The following PCYT1B variants were observed in gnomAD, a reference collection of about 807,000 sequenced individuals.
The protein encoded by PCYT1B is choline-phosphate cytidylyltransferase B.
In PCYT1B, 10 loss-of-function variants were observed where a neutral mutation model predicts 26.4. The observed-to-expected ratio is 0.38, with a 90% CI of 0.23 to 0.64. The LOEUF is 0.64. Among genes scored for constraint, PCYT1B ranks in the 30% least tolerant of loss-of-function variants. The pLI, the probability that PCYT1B is intolerant of heterozygous loss-of-function variation, is 0.56. For missense variants in PCYT1B, 161 were observed against 292.7 expected, an observed-to-expected ratio of 0.55 and a Z score of 3.28; for synonymous variants, 131 against 108.4, an observed-to-expected ratio of 1.21 and a Z score of -1.29.
chrX:24,564,038 T>C (rs1923529606), intron 7 of PCYT1B, among the ~76,000 whole-genome samples: 1 of 110,610 alleles, frequency 9.0e-6, no homozygotes, highest in South Asian at 3.9e-4. Flanking sequence ...AAAAATTAGC[T>C]GGGCAGGGTG....
chrX:24,617,489 C>A (rs1925550788), intron 2 of PCYT1B, among the ~76,000 whole-genome samples: 1 of 100,702 alleles, frequency 9.9e-6, no homozygotes, highest in African/African-American at 3.6e-5. Flanking sequence ...ACTCTGTCAC[C>A]CAGGCTGGAG....
At chrX:24,658,592 G>A (rs1437412561) in intron 1 of PCYT1B, among the ~76,000 whole-genome samples, 4 of 101,602 alleles carry the variant, frequency 3.9e-5, no homozygotes, top group Non-Finnish European at 7.8e-5. Flanking sequence ...TTCAAAGACA[G>A]CAATTGCATC....
At chrX:24,672,719 T>G, upstream of PCYT1B, 1 of 747,613 alleles carries the variant, frequency 1.3e-6, no homozygotes, top group Non-Finnish European at 2.0e-6. Flanking sequence ...TGTTGCTCAC[T>G]TGACCAAAGG....
chrX:24,622,343 T>TA (rs924928092), intron 1 of PCYT1B, among the ~76,000 whole-genome samples: 11 of 110,189 alleles, frequency 1.0e-4, no homozygotes, highest in Non-Finnish European at 1.9e-4. Context: ...AGATTACAAT[T>TA]AAAAAAAAAC....
intron 5 of PCYT1B, among the ~76,000 whole-genome samples, chrX:24,583,290 A>G (rs1924261515): frequency 9.0e-6 from 1 of 111,707 alleles, no homozygotes; most frequent in African/African-American, 3.3e-5. Context: ...CCCAGTGGCA[A>G]CTGCAACTGA....
intron 1 of PCYT1B, chrX:24,621,723 G>T: frequency 5.8e-6 from 1 of 173,250 alleles, no homozygotes; most frequent in Non-Finnish European, 9.2e-6. Flanking sequence ...TTACATTAAT[G>T]ATTCATTACC....
At chrX:24,579,240 G>T in intron 6 of PCYT1B, 76 bp downstream of exon 6, 1 of 980,307 alleles carries the variant, frequency 1.0e-6, no homozygotes, top group African/African-American at 1.9e-5. Context: ...CACTTAGTAA[G>T]TGCTCAATAA....
chrX:24,625,991 G>A (rs1925871822), intron 1 of PCYT1B, among the ~76,000 whole-genome samples: 2 of 108,497 alleles, frequency 1.8e-5, no homozygotes, highest in Admixed American at 1.0e-4. Flanking sequence ...GCACACACCT[G>A]TAATCCCAGC....
rs1923273718 is a variant in PCYT1B, at chrX:24,559,058, C to G, written c.*3235G>C. 9.0e-6 allele frequency: 1 copy of G among 111,625 alleles called. No individual in the cohort carries two copies. The highest frequency in any genetic ancestry group is 9.5e-5 in the Admixed American group (1 of 10,522). 9.2% of individuals were successfully genotyped at this position (111,625 alleles called of 1,213,427 possible). A position where few individuals can be genotyped will look rare whatever the true frequency, so the allele number is the denominator to read the frequency against. On this transcript the variant is annotated 3_prime_UTR_variant, in exon 8 of 8. Transcript: ENST00000379144. ...TCGGCTGGACGCCGTGGCTCGTGCT[C>G]ATAATCCCAGCACTTTGGGAGGCCG... is the stretch of plus-strand genomic sequence containing the variant.
intron 7 of PCYT1B, among the ~76,000 whole-genome samples, chrX:24,574,832 G>A (rs760568704): frequency 7.5e-4 from 84 of 112,300 alleles, no homozygotes; most frequent in African/African-American, 2.5e-3. Flanking sequence ...TGAGATGAGC[G>A]ACAGCATCAA....
At chrX:24,614,277 C>T (rs190837231) in intron 2 of PCYT1B, among the ~76,000 whole-genome samples, 1 of 112,439 alleles carries the variant, frequency 8.9e-6, no homozygotes. Flanking sequence ...TTGTCATTAC[C>T]TCTTCTAGAA....
rs186177822 is a variant in PCYT1B, at chrX:24,604,361, G to A, written c.334+3384C>T. The stretch of plus-strand genomic sequence containing the variant: ...CCAACTCAGCCTCCCAAAGTGCTGG[G>A]ATTACAGGTGTGAGCCACTGCGCCC... On this transcript the variant is annotated intron_variant, in intron 3 of 7. Coordinates refer to ENST00000379144, the MANE Select transcript of PCYT1B (RefSeq NM_004845.5). Among the ~76,000 whole-genome samples, 9 of 110,791 alleles carry A rather than the reference G, an allele frequency of 8.1e-5. No individual in the cohort carries two copies. The East Asian group carries it at 1.7e-3, about 21-fold the overall frequency.
Position 24,670,084 on chromosome X carries a change from GAAA to G in PCYT1B, c.63+2483_63+2485del, listed in dbSNP as rs1569261811. On this transcript the variant is annotated intron_variant, in intron 1 of 7. Coordinates refer to the PCYT1B transcript ENST00000379145. ...AGAAAGAAAGAAAGAAAGAAAGAAA[GAAA>G]GAAAGAAAGAAAGAAAGAAAGAAAG... 1.7e-4 allele frequency among the ~76,000 whole-genome samples: 15 copies of G among 86,256 alleles called. No homozygotes were observed. In the East Asian group the frequency reaches 2.7e-3, roughly 15 times the overall value. 74.9% of individuals were successfully genotyped at this position (86,256 alleles called of 115,157 possible). A position where few individuals can be genotyped will look rare whatever the true frequency, so the allele number is the denominator to read the frequency against.
At chrX:24,576,821 G>A (rs1924031365) in intron 6 of PCYT1B, among the ~76,000 whole-genome samples, 1 of 110,919 alleles carries the variant, frequency 9.0e-6, no homozygotes, top group South Asian at 3.8e-4. Flanking sequence ...ACCTCTCTGG[G>A]CCTCTGTTTC....
chrX:24,664,294 C>T (rs2148281551), intron 1 of PCYT1B, among the ~76,000 whole-genome samples: 1 of 111,799 alleles, frequency 8.9e-6, no homozygotes, highest in African/African-American at 3.2e-5. Flanking sequence ...ATTAACTTTG[C>T]CTTTCTTTGT....
chrX:24,672,500 A>T, intron 1 of PCYT1B: 1 of 778,959 alleles, frequency 1.3e-6, no homozygotes, highest in Non-Finnish European at 2.0e-6. Flanking sequence ...GCAGATACAT[A>T]GGACTTTACT....
chrX:24,559,187 G>C lies in PCYT1B; in HGVS notation c.*3106C>G, dbSNP rs1923280586. The stretch of plus-strand genomic sequence containing the variant: ...CAAAAATTAGCTGGGTGTCGTGGCA[G>C]GCACCTGTAATCCCAGCTACTTGGG... On this transcript the variant is annotated 3_prime_UTR_variant, in exon 8 of 8. Transcript: ENST00000379144. 9.1e-6 allele frequency: 1 copy of C among 109,705 alleles called. No homozygotes were observed. The highest frequency in any genetic ancestry group is 3.3e-5 in the African/African-American group (1 of 30,107). The allele number at this position is 109,705 out of a possible 1,213,427, so 9.0% of individuals were successfully genotyped here. A position where few individuals can be genotyped will look rare whatever the true frequency, so the allele number is the denominator to read the frequency against.
At chrX:24,625,992 T>A (rs1925871955) in intron 1 of PCYT1B, among the ~76,000 whole-genome samples, 1 of 108,413 alleles carries the variant, frequency 9.2e-6, no homozygotes, top group Admixed American at 1.0e-4. Context: ...CACACACCTG[T>A]AATCCCAGCT....
intron 1 of PCYT1B, among the ~76,000 whole-genome samples, chrX:24,662,825 T>C (rs1927055018): frequency 8.9e-6 from 1 of 112,089 alleles, no homozygotes; most frequent in South Asian, 3.7e-4. Flanking sequence ...GTCCTTCTTT[T>C]TGGTATGTGG....
Sources: gnomAD v4.1 joint callset for allele counts (sites outside exome capture counted in the v4.1 genomes callset) on GRCh38, gnomAD v4.1.1 for gene constraint, MANE v1.5 for transcripts, NCBI Gene and HGNC (gene_info 2026-07-23, HGNC 2026-07-21) for gene names.